The following ATXN1 variants were observed in gnomAD, a reference collection of about 807,000 sequenced individuals.
ATXN1 encodes the protein ataxin 1, also known as ataxin-1.
A neutral mutation model predicts 56.4 loss-of-function variants in ATXN1; 8 were observed. The observed-to-expected ratio is 0.14, with a 90% CI of 0.08 to 0.26. The LOEUF is 0.26. Ranked by LOEUF, ATXN1 falls within the 10% of genes least tolerant of loss-of-function variation. The pLI, the probability that ATXN1 is intolerant of heterozygous loss-of-function variation, is 1.00. For synonymous variants in ATXN1, 514 were observed against 494.6 expected, an observed-to-expected ratio of 1.04 and a Z score of -0.52; for missense variants, 987 against 1,106.5, an observed-to-expected ratio of 0.89 and a Z score of 1.53.
intron 6 of ATXN1, among the ~76,000 whole-genome samples, chr6:16,460,552 G>A (rs548232604): frequency 1.1e-4 from 17 of 152,282 alleles, no homozygotes; most frequent in East Asian, 1.9e-4. Context: ...GGTACCAGGC[G>A]CTACTCATTC....
At chr6:16,732,165 T>C (rs1393040693) in intron 2 of ATXN1, among the ~76,000 whole-genome samples, 1 of 152,148 alleles carries the variant, frequency 6.6e-6, no homozygotes, top group East Asian at 1.9e-4. Flanking sequence ...ACATAATTTT[T>C]CTCCAAGCAA....
chr6:16,652,795 C>A (rs547054380), intron 3 of ATXN1: 5 of 152,312 alleles, frequency 3.3e-5, no homozygotes, highest in African/African-American at 1.2e-4. Context: ...ATGGCTTCAG[C>A]AAACTGGGCT....
At chr6:16,640,820 G>C (rs1357878252) in intron 3 of ATXN1, among the ~76,000 whole-genome samples, 1 of 152,002 alleles carries the variant, frequency 6.6e-6, no homozygotes, top group Non-Finnish European at 1.5e-5. Flanking sequence ...ATTAAGCTTA[G>C]CGAGGAAGGC....
intron 6 of ATXN1, among the ~76,000 whole-genome samples, chr6:16,373,312 C>A (rs994909984): frequency 6.6e-6 from 1 of 152,214 alleles, no homozygotes; most frequent in African/African-American, 2.4e-5. Flanking sequence ...TCCACTTATA[C>A]AATTTTTTAC....
chr6:16,592,343 A>C (rs1226420563), intron 3 of ATXN1, among the ~76,000 whole-genome samples: 8 of 152,162 alleles, frequency 5.3e-5, no homozygotes, highest in African/African-American at 1.7e-4. Flanking sequence ...ATTTTTCAAG[A>C]TCGAACCTTT....
chr6:16,667,682 C>T (rs993659800), intron 2 of ATXN1: 1 of 152,178 alleles, frequency 6.6e-6, no homozygotes, highest in Non-Finnish European at 1.5e-5. Context: ...CTCTAAGGCA[C>T]CACAGTAAGG....
At chr6:16,608,862 A>G (rs1763056441) in intron 3 of ATXN1, among the ~76,000 whole-genome samples, 1 of 152,230 alleles carries the variant, frequency 6.6e-6, no homozygotes, top group Non-Finnish European at 1.5e-5. Context: ...TTCATTATTT[A>G]GAGAACTCCA....
At chr6:16,310,167 T>C (rs1178092958) in intron 7 of ATXN1, among the ~76,000 whole-genome samples, 2 of 151,764 alleles carry the variant, frequency 1.3e-5, no homozygotes, top group Non-Finnish European at 2.9e-5. Flanking sequence ...TGGAAGCCAG[T>C]AGACAATGGA....
intron 3 of ATXN1, among the ~76,000 whole-genome samples, chr6:16,637,516 TA>T (rs1373900798): frequency 6.7e-6 from 1 of 149,754 alleles, no homozygotes; most frequent in Non-Finnish European, 1.5e-5. Flanking sequence ...TAAAATAAAA[TA>T]AAAAAAGAAA....
At position 16,634,694 on chromosome 6, in the gene ATXN1, T is replaced by C. The variant is rs371477096; in HGVS notation, c.-489+23082A>G. On this transcript the variant is annotated intron_variant, in intron 3 of 7. Coordinates refer to ENST00000436367, the MANE Select transcript of ATXN1 (RefSeq NM_001128164.2). ...GAAGTATGTGGTCTCTCAATTCACA[T>C]GATGTTTTGAGGTTCATCTATGTTG... 2.0e-5 allele frequency among the ~76,000 whole-genome samples: 3 copies of C among 152,350 alleles called. No individual in the cohort carries two copies. The South Asian group carries it at 6.2e-4, about 32-fold the overall frequency.
intron 2 of ATXN1, among the ~76,000 whole-genome samples, chr6:16,692,773 T>G (rs1759076885): frequency 6.6e-6 from 1 of 152,216 alleles, no homozygotes. Flanking sequence ...TTCTATATTT[T>G]CACTTTAGAG....
chr6:16,752,993 G>T (rs886631800), intron 2 of ATXN1: 6 of 289,176 alleles, frequency 2.1e-5, no homozygotes, highest in South Asian at 1.5e-4. Flanking sequence ...ATCAATCATC[G>T]CAAAGTCAAA....
intron 6 of ATXN1, among the ~76,000 whole-genome samples, chr6:16,427,782 A>G (rs1410024617): frequency 6.6e-6 from 1 of 152,186 alleles, no homozygotes; most frequent in Non-Finnish European, 1.5e-5. Flanking sequence ...CCTCATCACC[A>G]GTGTCTGCTG....
intron 2 of ATXN1, among the ~76,000 whole-genome samples, chr6:16,676,282 T>C (rs954866947): frequency 2.6e-5 from 4 of 152,226 alleles, no homozygotes; most frequent in African/African-American, 9.6e-5. Context: ...GGACTGAGAC[T>C]CAGGTTTTAA....
In ATXN1 at chr6:16,756,658, T is replaced by C. The variant is rs371690653; in HGVS notation, c.-729-3311A>G. Among the ~76,000 whole-genome samples the C allele has an allele frequency of 2.0e-5, 3 of 152,178 alleles. No individual in the cohort carries two copies. The East Asian group carries it at 5.8e-4, about 29-fold the overall frequency. ...ATACAGAGCAAGGAAAGTCAAATAA[T>C]CTATCTCTCCCCTAAAAATAATAGC... On this transcript the variant is annotated intron_variant, in intron 1 of 7. Transcript: ENST00000436367.
intron 4 of ATXN1, among the ~76,000 whole-genome samples, chr6:16,538,987 A>C (rs891886017): frequency 2.6e-5 from 4 of 152,062 alleles, no homozygotes; most frequent in African/African-American, 9.7e-5. Flanking sequence ...CGCCCAGCCC[A>C]AAATAACTAT....
intron 2 of ATXN1, chr6:16,740,067 T>C: frequency 3.3e-6 from 1 of 300,936 alleles, no homozygotes; most frequent in South Asian, 2.7e-5. Flanking sequence ...GTTTGCAGTT[T>C]CACTAATGAG....
At chr6:16,684,083 A>G (rs565735593) in intron 2 of ATXN1, among the ~76,000 whole-genome samples, 1 of 152,200 alleles carries the variant, frequency 6.6e-6, no homozygotes, top group African/African-American at 2.4e-5. Context: ...AGGCACAGGG[A>G]TATCTAGAAG....
intron 6 of ATXN1, among the ~76,000 whole-genome samples, chr6:16,359,053 T>G (rs938614501): frequency 1.3e-5 from 2 of 152,234 alleles, no homozygotes; most frequent in African/African-American, 2.4e-5. Context: ...ACCCTCCCCA[T>G]CTCTGCATGC....
Sources: allele counts gnomAD v4.1 joint callset (sites outside exome capture counted in the v4.1 genomes callset), GRCh38; gene constraint gnomAD v4.1.1; transcripts MANE v1.5; gene names NCBI Gene and HGNC (gene_info 2026-07-23, HGNC 2026-07-21).